LRIF1: variants seen among roughly 807,000 people sequenced by gnomAD.
The protein encoded by LRIF1 is ligand-dependent nuclear receptor-interacting factor 1.
LRIF1 carries 32 observed loss-of-function variants against 52.7 expected under a neutral mutation model. The ratio of observed to expected loss-of-function variants is 0.61; its 90% CI spans 0.46 to 0.82. The LOEUF is 0.82. LRIF1 is among the 40% of genes least tolerant of loss of function. The probability of loss-of-function intolerance (pLI) is 0.00; values close to 1 mark genes in which losing one functional copy is unlikely to be tolerated. For missense variants in LRIF1, 887 were observed against 892.0 expected, an observed-to-expected ratio of 0.99 and a Z score of 0.07; for synonymous variants, 323 against 317.4, an observed-to-expected ratio of 1.02 and a Z score of -0.19.
chr1:110,906,095 A>G, the LRIF1 span, among the ~76,000 whole-genome samples: 1 of 152,152 alleles, frequency 6.6e-6, no homozygotes, highest in Non-Finnish European at 1.5e-5. Context: ...AAAGGAAGAC[A>G]AGAAAGAAAG....
chr1:110,926,894 C>T, the LRIF1 span, among the ~76,000 whole-genome samples: 1 of 152,100 alleles, frequency 6.6e-6, no homozygotes, highest in Non-Finnish European at 1.5e-5. Flanking sequence ...CATAAGTGTG[C>T]ACTGAGAAAT....
downstream of LRIF1, among the ~76,000 whole-genome samples, chr1:110,946,125 G>C (rs148884723): frequency 4.6e-5 from 7 of 152,276 alleles, no homozygotes; most frequent in African/African-American, 1.7e-4. Context: ...ATAAAATGTG[G>C]TATATCCATG....
intron 2 of LRIF1, among the ~76,000 whole-genome samples, chr1:110,950,824 TACC>T (rs901957960): frequency 3.9e-5 from 6 of 151,958 alleles, no homozygotes; most frequent in Admixed American, 1.3e-4. Flanking sequence ...TTCCATGGTA[TACC>T]ACCACCACCA....
At chr1:110,897,968 A>C in the LRIF1 span, 2 of 775,498 alleles carry the variant, frequency 2.6e-6, no homozygotes, top group Admixed American at 4.2e-5. Flanking sequence ...AATACCAGGT[A>C]CACAGTATTT....
chr1:110,931,309 T>G, the LRIF1 span, among the ~76,000 whole-genome samples: 1 of 152,200 alleles, frequency 6.6e-6, no homozygotes, highest in Non-Finnish European at 1.5e-5. Context: ...GCAAAGGACA[T>G]GAACTCATCC....
chr1:110,887,057 T>C, the LRIF1 span, among the ~76,000 whole-genome samples: 1 of 68,350 alleles, frequency 1.5e-5, no homozygotes, highest in Non-Finnish European at 4.2e-5. Context: ...TCTCTATTTA[T>C]GTTTATTTTA....
chr1:110,895,892 C>T, the LRIF1 span, among the ~76,000 whole-genome samples: 3 of 152,066 alleles, frequency 2.0e-5, no homozygotes, highest in East Asian at 3.9e-4. Context: ...ATTATTTCAC[C>T]CACTAAATAT....
intron 1 of LRIF1, among the ~76,000 whole-genome samples, chr1:110,957,215 T>A (rs1658735876): frequency 6.8e-6 from 1 of 147,660 alleles, no homozygotes; most frequent in African/African-American, 2.5e-5. Context: ...CCCAGCACTT[T>A]GGGAGGCCGA....
the LRIF1 span, chr1:110,896,718 A>G: frequency 6.2e-7 from 1 of 1,613,128 alleles, no homozygotes; most frequent in South Asian, 1.1e-5. Flanking sequence ...CTTGCCCCTC[A>G]GATCGAAAAG....
At chr1:110,905,409 A>T in the LRIF1 span, among the ~76,000 whole-genome samples, 1 of 152,104 alleles carries the variant, frequency 6.6e-6, no homozygotes, top group African/African-American at 2.4e-5. Flanking sequence ...AACAAATAAC[A>T]TACAATGGAG....
the LRIF1 span, among the ~76,000 whole-genome samples, chr1:110,884,023 GCTTAT>G: frequency 9.2e-5 from 14 of 151,836 alleles, no homozygotes; most frequent in Non-Finnish European, 1.6e-4. Flanking sequence ...TGATTTCAGT[GCTTAT>G]CTTCATTATC....
the LRIF1 span, among the ~76,000 whole-genome samples, chr1:110,924,604 CG>C: frequency 6.6e-6 from 1 of 152,178 alleles, no homozygotes; most frequent in Non-Finnish European, 1.5e-5. Context: ...TGGAGGAAAC[CG>C]CCCCCATGAT....
chr1:110,938,789 T>C, the LRIF1 span: 3 of 152,182 alleles, frequency 2.0e-5, no homozygotes, highest in Admixed American at 1.3e-4. Context: ...GCAGATGATA[T>C]GATCTTATAG....
chr1:110,879,566 T>C, the LRIF1 span, among the ~76,000 whole-genome samples: 32,595 of 152,108 alleles, frequency 0.21, 4,314 homozygotes, highest in Middle Eastern at 0.37. Context: ...TTACACTGTT[T>C]TTTTTTCTTT....
chr1:110,952,874 A>C (rs935874025), intron 1 of LRIF1, 59 bp from the exon 2 acceptor site: 7 of 907,354 alleles, frequency 7.7e-6, no homozygotes, highest in Middle Eastern at 2.9e-4. Context: ...CATTTTATTT[A>C]AAAATAAATA....
chr1:110,888,951 G>C, the LRIF1 span, among the ~76,000 whole-genome samples: 1 of 152,122 alleles, frequency 6.6e-6, no homozygotes, highest in Non-Finnish European at 1.5e-5. Flanking sequence ...GATCAACCCA[G>C]CTGCAAATCT....
the LRIF1 span, among the ~76,000 whole-genome samples, chr1:110,890,881 A>T: frequency 1.3e-5 from 2 of 152,248 alleles, no homozygotes; most frequent in African/African-American, 2.4e-5. Context: ...GCAATAAAAG[A>T]ATAAATGAGG....
At chr1:110,890,708 GA>G in the LRIF1 span, among the ~76,000 whole-genome samples, 2 of 152,224 alleles carry the variant, frequency 1.3e-5, no homozygotes, top group Admixed American at 1.3e-4. Flanking sequence ...TATTCTAGTT[GA>G]AAAAAATAAA....
At chr1:110,926,237 A>G in the LRIF1 span, among the ~76,000 whole-genome samples, 1 of 152,074 alleles carries the variant, frequency 6.6e-6, no homozygotes, top group Admixed American at 6.5e-5. Context: ...TATCAAATAT[A>G]AAGACATAAT....
Sources: gnomAD v4.1 joint callset for allele counts (sites outside exome capture counted in the v4.1 genomes callset) on GRCh38, gnomAD v4.1.1 for gene constraint, MANE v1.5 for transcripts, NCBI Gene and HGNC (gene_info 2026-07-23, HGNC 2026-07-21) for gene names.